LMF1: variants seen among roughly 807,000 people sequenced by gnomAD.
The protein encoded by LMF1 is lipase maturation factor 1.
A neutral mutation model predicts 60.6 loss-of-function variants in LMF1; 68 were observed. The ratio of observed to expected loss-of-function variants is 1.12; its 90% CI spans 0.92 to 1.37. The LOEUF is 1.37. Ranked by LOEUF, LMF1 falls within the 40% of genes most tolerant of loss-of-function variation. The pLI is 0.00. For missense variants in LMF1, 948 were observed against 767.2 expected (o/e 1.24, Z -2.78); for synonymous variants, 418 against 324.7 (o/e 1.29, Z -3.09).
upstream of LMF1, among the ~76,000 whole-genome samples, chr16:974,181 T>C (rs1031839224): frequency 2.6e-5 from 4 of 152,324 alleles, no homozygotes; most frequent in African/African-American, 7.2e-5. Flanking sequence ...AAATAACATT[T>C]AGATACAGGT....
chr16:869,402 G>T (rs1187468847), intron 9 of LMF1: 2 of 576,904 alleles, frequency 3.5e-6, no homozygotes, highest in Non-Finnish European at 6.6e-6. Flanking sequence ...CTGTCCATGG[G>T]TGCCTCTGCT....
chr16:976,864 C>T (rs1335996588), intron 1 of LMF1: 2 of 454,012 alleles, frequency 4.4e-6, no homozygotes, highest in Middle Eastern at 6.8e-4. Flanking sequence ...ACAGCCTGGG[C>T]AGGGGTCCCC....
intron 4 of LMF1, among the ~76,000 whole-genome samples, chr16:908,338 C>A (rs1293012205): frequency 1.3e-5 from 2 of 152,194 alleles, no homozygotes; most frequent in African/African-American, 2.4e-5. Flanking sequence ...GATCTGGATG[C>A]CGGGTTGCAG....
At position 896,972 on chromosome 16, in the gene LMF1, AG is replaced by A. The variant is rs2070681650; in HGVS notation, c.664-3901del. Reference sequence around the variant, plus strand: ...TGTCAAAGGAACAAAGCCTTCTTTGAGGCTTTTCAGCCCAAAATTAATTCTA... The same window carrying A: ...TGTCAAAGGAACAAAGCCTTCTTTGAGCTTTTCAGCCCAAAATTAATTCTA... On this transcript the variant is annotated intron_variant, in intron 4 of 10. Transcript: ENST00000262301. Among the ~76,000 whole-genome samples the A allele has an allele frequency of 2.6e-5, 4 of 151,640 alleles. No homozygotes were observed. In the South Asian group the frequency reaches 8.3e-4, roughly 32 times the overall value.
In LMF1 at chr16:878,099, A is replaced by C. The variant is rs1272116350; in HGVS notation, c.897+1471T>G. 1.3e-5 allele frequency among the ~76,000 whole-genome samples: 2 copies of C among 151,426 alleles called. No homozygotes were observed. Among genetic ancestry groups the C allele is most frequent in the Non-Finnish European group, 2.9e-5 (2 of 67,856 alleles). On this transcript the variant is annotated intron_variant, in intron 6 of 10. Transcript: ENST00000262301. This position sits in a 1 kb window ranked among gnomAD's most constrained non-coding sequence, Gnocchi z 5.2. Reference sequence around the variant, plus strand: ...GAGCCCCCAGACGCGCGTGGGGTCCAGCCACATGGAATCCACTGAAGCTAT... The same window carrying C: ...GAGCCCCCAGACGCGCGTGGGGTCCCGCCACATGGAATCCACTGAAGCTAT...
At chr16:863,168 ATC>A (rs1410669416) in intron 10 of LMF1, among the ~76,000 whole-genome samples, 3 of 152,156 alleles carry the variant, frequency 2.0e-5, no homozygotes, top group Non-Finnish European at 2.9e-5. Flanking sequence ...CTGTAGTGAT[ATC>A]TCTTTTTCGT....
intron 1 of LMF1, among the ~76,000 whole-genome samples, chr16:955,372 G>A (rs1400507247): frequency 2.0e-5 from 3 of 147,168 alleles, no homozygotes; most frequent in Non-Finnish European, 3.0e-5. Context: ...TAAAATGCGT[G>A]CCCGCAGCAG....
intron 3 of LMF1, among the ~76,000 whole-genome samples, chr16:932,055 G>A (rs1040761762): frequency 9.9e-5 from 15 of 152,182 alleles, no homozygotes; most frequent in Non-Finnish European, 1.8e-4. Flanking sequence ...TGCAGACCCC[G>A]TTGCTTTTGC....
rs561964873 is a variant in LMF1 at position 921,861 on chromosome 16, G to T, written c.515-10782C>A. 2.0e-5 allele frequency among the ~76,000 whole-genome samples: 3 copies of T among 152,278 alleles called. No individual in the cohort carries two copies. The East Asian group carries it at 5.8e-4, about 29-fold the overall frequency. ...TACAATTCTTAGGAGAAAAACAAAG[G>T]TTAAAAGGTTTGAAATGTAAAAAAG... On this transcript the variant is annotated intron_variant, in intron 3 of 10. Coordinates refer to ENST00000262301, the MANE Select transcript of LMF1 (RefSeq NM_022773.4).
intron 10 of LMF1, among the ~76,000 whole-genome samples, chr16:856,469 C>A (rs2151676014): frequency 6.6e-6 from 1 of 152,346 alleles, no homozygotes; most frequent in East Asian, 1.9e-4. Flanking sequence ...GCAGGCCCAC[C>A]CTCTCCCAAA....
chr16:868,854 C>A, intron 10 of LMF1, 90 bp downstream of exon 10: 1 of 841,090 alleles, frequency 1.2e-6, no homozygotes, highest in Non-Finnish European at 2.0e-6. Flanking sequence ...TTCCCGTGAG[C>A]AGGTGGGGGT....
chr16:890,850 G>A (rs1458857648), intron 5 of LMF1, among the ~76,000 whole-genome samples: 1 of 118,702 alleles, frequency 8.4e-6, no homozygotes, highest in African/African-American at 4.6e-5. Context: ...ACACTGCTGC[G>A]GCCAACCCTC....
intron 1 of LMF1, among the ~76,000 whole-genome samples, chr16:955,005 G>C (rs371928941): frequency 1.3e-5 from 2 of 151,222 alleles, no homozygotes; most frequent in Non-Finnish European, 3.0e-5. Context: ...CATAAAATGC[G>C]TGCCTGCAGC....
At chr16:950,662 G>C (rs1481819255) in intron 2 of LMF1, among the ~76,000 whole-genome samples, 1 of 148,880 alleles carries the variant, frequency 6.7e-6, no homozygotes, top group African/African-American at 2.5e-5. Flanking sequence ...GCCAACGACA[G>C]AATCAGAGAC....
At chr16:968,218 G>A (rs574854459) in intron 1 of LMF1, among the ~76,000 whole-genome samples, 10 of 152,324 alleles carry the variant, frequency 6.6e-5, no homozygotes, top group African/African-American at 2.4e-4. Flanking sequence ...GCTGGCAGCC[G>A]GCCTCTCCAG....
rs753871887 is a variant in LMF1, at chr16:869,945, G to A, written c.1354C>T (p.Pro452Ser). The change falls in exon 9 of 11, where the codon CCC becomes TCC. Residue 452 changes from proline to serine, a missense_variant. Coordinates refer to ENST00000262301, the MANE Select transcript of LMF1 (RefSeq NM_022773.4). The stretch of plus-strand genomic sequence containing the variant: ...TAGTGGTACGGGGAGATGAGGCAGG[G>A]CCGTCTGCTGGGGTCACCTGGCTTG... ...KCKPGDPSRR[P>S]CLISPYHYRL... is the part of the protein sequence containing the mutation. The A allele has an allele frequency of 1.2e-6, 2 of 1,613,324 alleles. No individual in the cohort carries two copies. Among genetic ancestry groups the A allele is most frequent in the Non-Finnish European group, 1.7e-6 (2 of 1,179,866 alleles).
intron 3 of LMF1, among the ~76,000 whole-genome samples, chr16:920,531 A>G (rs891382087): frequency 2.0e-5 from 3 of 152,230 alleles, no homozygotes; most frequent in African/African-American, 7.2e-5. Context: ...ACGAAGACAT[A>G]GCAGCCACAG....
At position 857,423 on chromosome 16, in the gene LMF1, G is replaced by A. The variant is rs528741955; in HGVS notation, c.1530-2717C>T. 2.1e-4 allele frequency among the ~76,000 whole-genome samples: 32 copies of A among 152,252 alleles called. No homozygotes were observed. The South Asian group carries it at 6.7e-3, about 32-fold the overall frequency. On this transcript the variant is annotated intron_variant, in intron 10 of 10. Coordinates refer to ENST00000262301, the MANE Select transcript of LMF1 (RefSeq NM_022773.4). ...TACTTTTATTCCAGCCGTTTTGATG[G>A]GTGTGCAGTGGTGTCACGGGACGGG...
chr16:861,998 T>A (rs1311020857), intron 10 of LMF1, among the ~76,000 whole-genome samples: 1 of 152,184 alleles, frequency 6.6e-6, no homozygotes, highest in Non-Finnish European at 1.5e-5. Flanking sequence ...GATGTTAAAC[T>A]TGTCACGGGC....
Sources: gnomAD v4.1 joint callset for allele counts (sites outside exome capture counted in the v4.1 genomes callset) on GRCh38, gnomAD v4.1.1 for gene constraint, Gnocchi (gnomAD v3.1) non-coding constraint, MANE v1.5 for transcripts, NCBI Gene and HGNC (gene_info 2026-07-23, HGNC 2026-07-21) for gene names.